The following PIWIL1 variants were observed in gnomAD, a reference collection of about 807,000 sequenced individuals.
PIWIL1 encodes piwi-like protein 1.
Under a neutral mutation model 114.4 loss-of-function variants are expected in PIWIL1, and 73 were observed. That is an observed-to-expected ratio of 0.64 (90% CI 0.53 to 0.78). The LOEUF (loss-of-function observed/expected upper bound fraction) is 0.78. PIWIL1 is among the 30% of genes least tolerant of loss of function. PIWIL1 has a pLI of 0.00. For synonymous variants in PIWIL1, 375 were observed against 369.0 expected, an observed-to-expected ratio of 1.02 and a Z score of -0.19; for missense variants, 723 against 1,063.1, an observed-to-expected ratio of 0.68 and a Z score of 4.45.
chr12:130,338,924 C>A (rs2072809505), intron 1 of PIWIL1, among the ~76,000 whole-genome samples: 1 of 139,558 alleles, frequency 7.2e-6, no homozygotes, highest in Non-Finnish European at 1.6e-5. Flanking sequence ...GAGGCTGAGG[C>A]CTGAGTTGCC....
the PIWIL1 span, chr12:130,399,772 G>A: frequency 6.2e-7 from 1 of 1,614,192 alleles, no homozygotes; most frequent in South Asian, 1.1e-5. Context: ...CTTCTTCCAA[G>A]AAGTTTGAGG....
rs755409404 is a variant in PIWIL1 at position 130,371,359 on chromosome 12, A to G, written c.2469+36A>G. 2.5e-6 allele frequency: 4 copies of G among 1,613,412 alleles called. No homozygotes were observed. The African/African-American group carries it at 4.0e-5, about 16-fold the overall frequency. ...CTACTTGTTGATGTTTAGCAAATAA[A>G]GGACATTCACTTTTCAAAATGAAAT... On this transcript the variant is annotated intron_variant, in intron 20 of 20. Coordinates refer to ENST00000245255, the MANE Select transcript of PIWIL1 (RefSeq NM_004764.5).
the PIWIL1 span, among the ~76,000 whole-genome samples, chr12:130,393,629 C>G: frequency 6.9e-6 from 1 of 144,342 alleles, no homozygotes; most frequent in Non-Finnish European, 1.6e-5. Flanking sequence ...TGATGAATAG[C>G]TATGATTTCA....
chr12:130,348,817 T>C (rs574234308), intron 7 of PIWIL1, among the ~76,000 whole-genome samples: 5 of 152,078 alleles, frequency 3.3e-5, no homozygotes, highest in Non-Finnish European at 5.9e-5. Context: ...AGAGAAGTGC[T>C]TGAACCCGGG....
At chr12:130,410,019 A>C in the PIWIL1 span, among the ~76,000 whole-genome samples, 1 of 152,242 alleles carries the variant, frequency 6.6e-6, no homozygotes, top group African/African-American at 2.4e-5. Flanking sequence ...ACCAGCATGC[A>C]CAGGCCCACC....
intron 2 of PIWIL1, 134 bp from the exon 3 acceptor site, chr12:130,342,856 A>G: frequency 2.7e-6 from 2 of 745,834 alleles, no homozygotes. Context: ...TCTCAAATTT[A>G]TTTTTAAGAA....
chr12:130,350,919 G>A (rs2073193225), intron 9 of PIWIL1: 1 of 152,168 alleles, frequency 6.6e-6, no homozygotes, highest in South Asian at 2.1e-4. Context: ...AAGATGAGAA[G>A]CCACTACGGA....
chr12:130,346,469 T>G lies in PIWIL1; in HGVS notation c.416T>G (p.Leu139Arg), dbSNP rs777084030. ...LYQYHIDYNP[L>R]MEARRLRSAL... Reference sequence around the variant, plus strand: ...CAGTATCACATTGACTATAACCCACTGATGGAAGCCAGAAGACTCCGTTCA... The same window carrying G: ...CAGTATCACATTGACTATAACCCACGGATGGAAGCCAGAAGACTCCGTTCA... The change falls in exon 5 of 21, where the codon CTG becomes CGG. Residue 139 changes from leucine to arginine, a missense_variant. Physicochemically the swap from Leu to Arg is moderately radical, Grantham distance 102. Around this residue, in one of 8 missense-constraint regions of PIWIL1, gnomAD observed 190 missense variants for 294.4 expected, o/e 0.65. Transcript: ENST00000245255. 1.2e-6 allele frequency: 2 copies of G among 1,614,044 alleles called. No homozygotes were observed. The highest frequency in any genetic ancestry group is 1.3e-5 in the African/African-American group (1 of 75,054).
the PIWIL1 span, among the ~76,000 whole-genome samples, chr12:130,389,469 T>C: frequency 1.1e-4 from 17 of 152,034 alleles, no homozygotes; most frequent in Non-Finnish European, 1.8e-4. Context: ...TTTGTACTTA[T>C]CATTTTTTTA....
chr12:130,405,701 C>A, the PIWIL1 span, among the ~76,000 whole-genome samples: 1 of 152,106 alleles, frequency 6.6e-6, no homozygotes, highest in East Asian at 1.9e-4. Flanking sequence ...GGGTTCCAAG[C>A]TGCTAACAGC....
intron 18 of PIWIL1, chr12:130,366,774 T>A (rs73450263): frequency 0.064 from 11,492 of 180,242 alleles, 495 homozygotes; most frequent in South Asian, 0.19. Flanking sequence ...GAGTTAATAT[T>A]ATATTTTCTA....
the PIWIL1 span, among the ~76,000 whole-genome samples, chr12:130,378,540 C>T: frequency 1.3e-5 from 2 of 152,052 alleles, no homozygotes; most frequent in Admixed American, 1.3e-4. Context: ...TCATGAAAAG[C>T]TAACAAGCTG....
the PIWIL1 span, among the ~76,000 whole-genome samples, chr12:130,421,691 A>ATGTGTGTGTGTGTGTGTGTG: frequency 6.4e-3 from 939 of 147,260 alleles, 9 homozygotes; most frequent in African/African-American, 0.022. Context: ...CTGCATTTAT[A>ATGTGTGTGTGTGTGTGTGTG]TGTGTGTGTG....
the PIWIL1 span, chr12:130,383,223 C>A: frequency 6.6e-6 from 1 of 152,110 alleles, no homozygotes; most frequent in South Asian, 2.1e-4. Flanking sequence ...AGGATATGCC[C>A]AGGGTGAGGC....
At chr12:130,405,321 T>A in the PIWIL1 span, among the ~76,000 whole-genome samples, 7 of 152,154 alleles carry the variant, frequency 4.6e-5, no homozygotes, top group Non-Finnish European at 2.9e-5. Context: ...GGAGAGAGCC[T>A]GGGAATCCTA....
intron 2 of PIWIL1, 76 bp from the exon 3 acceptor site, chr12:130,342,914 G>A: frequency 2.0e-6 from 2 of 1,015,040 alleles, no homozygotes; most frequent in Non-Finnish European, 3.1e-6. Flanking sequence ...GAATTCCTGA[G>A]ACTTAAGACT....
chr12:130,404,222 C>T, the PIWIL1 span, among the ~76,000 whole-genome samples: 1 of 152,026 alleles, frequency 6.6e-6, no homozygotes, highest in East Asian at 1.9e-4. Context: ...ACACACTTTT[C>T]CAACATGTTT....
chr12:130,345,686 TG>T, intron 3 of PIWIL1, 66 bp from the exon 4 acceptor site: 16 of 1,537,960 alleles, frequency 1.0e-5, no homozygotes, highest in Non-Finnish European at 1.4e-5. Context: ...AATAGCACTA[TG>T]GGAGTTAATA....
In PIWIL1 at chr12:130,371,618, C is replaced by A. The variant is rs1262101794; in HGVS notation, c.*20C>A. 5.0e-6 allele frequency: 7 copies of A among 1,409,904 alleles called. No homozygotes were observed. Among genetic ancestry groups the A allele is most frequent in the Non-Finnish European group, 6.9e-6 (7 of 1,016,038 alleles). 87.3% of individuals were successfully genotyped at this position (1,409,904 alleles called of 1,614,324 possible). A position where few individuals can be genotyped will look rare whatever the true frequency, so the allele number is the denominator to read the frequency against. On this transcript the variant is annotated 3_prime_UTR_variant, in exon 21 of 21. Transcript: ENST00000245255. ...CTCTAACCTGCAGAAGACGATGCAG[C>A]CGCTTTTCTTTTTGAAATGACTTTG...
Sources: allele counts gnomAD v4.1 joint callset (sites outside exome capture counted in the v4.1 genomes callset), GRCh38; gene constraint gnomAD v4.1.1; regional missense constraint gnomAD v4.1.1; transcripts MANE v1.5; gene names NCBI Gene and HGNC (gene_info 2026-07-23, HGNC 2026-07-21).